ANK1: variants seen among roughly 807,000 people sequenced by gnomAD.
ANK1 encodes ankyrin-1.
ANK1 carries 51 observed loss-of-function variants against 210.4 expected under a neutral mutation model. That is an observed-to-expected ratio of 0.24 (90% CI 0.19 to 0.31). ANK1 has a LOEUF of 0.31. Among genes scored for constraint, ANK1 ranks in the 10% least tolerant of loss-of-function variants. The pLI is 1.00. For missense variants in ANK1, 2,051 were observed against 2,504.4 expected (o/e 0.82, Z 3.86); for synonymous variants, 967 against 1,025.9 (o/e 0.94, Z 1.10).
chr8:41,737,120 G>C (rs553016018), intron 2 of ANK1, among the ~76,000 whole-genome samples: 2 of 152,310 alleles, frequency 1.3e-5, no homozygotes, highest in South Asian at 4.1e-4. Flanking sequence ...ACAGCATGGA[G>C]AAACTCTGTC....
At chr8:41,709,097 T>C in intron 16 of ANK1, 122 bp from the exon 17 acceptor site, 1 of 1,121,150 alleles carries the variant, frequency 8.9e-7, no homozygotes. Context: ...AGGGCTGGCA[T>C]CACCCAGGAG....
At chr8:41,658,613 C>T (rs1232167625) in intron 42 of ANK1, among the ~76,000 whole-genome samples, 5 of 152,186 alleles carry the variant, frequency 3.3e-5, no homozygotes, top group Non-Finnish European at 7.4e-5. Context: ...CTGTTTGAGG[C>T]TGTGCACAGT....
intron 3 of ANK1, among the ~76,000 whole-genome samples, chr8:41,730,344 T>C (rs1044047944): frequency 2.0e-5 from 3 of 152,172 alleles, no homozygotes; most frequent in South Asian, 4.1e-4. Context: ...GCAGCTCACA[T>C]TGGTAATCCT....
chr8:41,794,061 C>A (rs1417557160), intron 1 of ANK1, among the ~76,000 whole-genome samples: 3 of 152,174 alleles, frequency 2.0e-5, no homozygotes, highest in Non-Finnish European at 2.9e-5. Flanking sequence ...AATTTGGTAG[C>A]CCATCCCTAC....
rs1401100020 is a variant in ANK1 at position 41,654,708 on chromosome 8, C to A, written c.*1082G>T. 2 of 152,678 alleles carry A rather than the reference C, an allele frequency of 1.3e-5. No homozygotes were observed. The highest frequency in any genetic ancestry group is 6.5e-5 in the Admixed American group (1 of 15,292). 9.5% of individuals were successfully genotyped at this position (152,678 alleles called of 1,614,324 possible). ...ACTGCTAAATGTTTCTATTGGTTTG[C>A]ATAGTATTTATTGTTTTTCATATAC... is the stretch of plus-strand genomic sequence containing the variant. On this transcript the variant is annotated 3_prime_UTR_variant, in exon 43 of 43. Transcript: ENST00000289734.
intron 1 of ANK1, among the ~76,000 whole-genome samples, chr8:41,867,764 C>G (rs1814753446): frequency 6.6e-6 from 1 of 152,220 alleles, no homozygotes; most frequent in South Asian, 2.1e-4. Flanking sequence ...GACAGTGTTC[C>G]TCATCTCTGT....
intron 1 of ANK1, among the ~76,000 whole-genome samples, chr8:41,823,828 C>T (rs1804883526): frequency 6.6e-6 from 1 of 152,158 alleles, no homozygotes; most frequent in Non-Finnish European, 1.5e-5. Flanking sequence ...CTCTCTGCAC[C>T]TTCTCCACCA....
chr8:41,703,438 A>ATTTTTTT (rs1563491543), intron 20 of ANK1, among the ~76,000 whole-genome samples: 1 of 68,520 alleles, frequency 1.5e-5, no homozygotes, highest in African/African-American at 5.7e-5. Flanking sequence ...ATATATATAT[A>ATTTTTTT]TATATATATA....
intron 20 of ANK1, among the ~76,000 whole-genome samples, chr8:41,703,370 ATGTG>A (rs202101455): frequency 4.4e-5 from 6 of 134,956 alleles, no homozygotes. Context: ...TGTGGTATGT[ATGTG>A]TGTGTGTGCA....
At chr8:41,826,491 G>A (rs978779947) in intron 1 of ANK1, among the ~76,000 whole-genome samples, 4 of 152,238 alleles carry the variant, frequency 2.6e-5, no homozygotes, top group East Asian at 1.9e-4. Context: ...CTGGGCCTCT[G>A]GATTCCCCTG....
At chr8:41,894,315 C>G (rs1355481647) in intron 1 of ANK1, among the ~76,000 whole-genome samples, 1 of 151,986 alleles carries the variant, frequency 6.6e-6, no homozygotes, top group Non-Finnish European at 1.5e-5. Context: ...ACGCAGTATG[C>G]TGCGACCGGC....
chr8:41,670,319 C>T (rs538815398), intron 38 of ANK1, among the ~76,000 whole-genome samples: 7 of 152,134 alleles, frequency 4.6e-5, no homozygotes, highest in African/African-American at 1.2e-4. Context: ...TGAAATTCAT[C>T]TGTCCCCATG....
intron 2 of ANK1, among the ~76,000 whole-genome samples, chr8:41,740,892 T>C (rs1586618521): frequency 1.3e-5 from 2 of 152,290 alleles, no homozygotes; most frequent in South Asian, 4.1e-4. Flanking sequence ...TGGACAGCAC[T>C]GGATTAACAG....
chr8:41,888,441 G>A (rs561357519), intron 1 of ANK1, among the ~76,000 whole-genome samples: 20 of 152,376 alleles, frequency 1.3e-4, no homozygotes, highest in Admixed American at 3.9e-4. Context: ...GCAAGAGCCA[G>A]GAGAGAGCTG....
At position 41,708,837 on chromosome 8, in the gene ANK1, G is replaced by A. The variant is rs1264922695; in HGVS notation, c.1939C>T (p.His647Tyr). ...TPLHLAAQEG[H>Y]AEMVALLLSK... Reference sequence around the variant, plus strand: ...AGCAGCAGAGCCACCATCTCTGCGTGGCCCTCCTGGGCGGCCAGGTGAAGG... The same window carrying A: ...AGCAGCAGAGCCACCATCTCTGCGTAGCCCTCCTGGGCGGCCAGGTGAAGG... Residue 647 changes from histidine (H) to tyrosine (Y), a missense_variant, in exon 17 of 43, where the codon CAC becomes TAC. Transcript: ENST00000289734. The A allele has an allele frequency of 6.2e-7, 1 of 1,614,068 alleles. No homozygotes were observed. The highest frequency in any genetic ancestry group is 8.5e-7 in the Non-Finnish European group (1 of 1,180,044).
rs541960085 is a variant in ANK1 at position 41,696,307 on chromosome 8, C to T, written c.2960+56G>A. ...TCCCCATCAGGACAGATGGAAATGG[C>T]GTGGCCTCCGTGGCACAGGGACAGG... On this transcript the variant is annotated intron_variant, in intron 26 of 42. Transcript: ENST00000289734. The T allele has an allele frequency of 5.4e-4, 859 of 1,576,182 alleles. 4 individuals carry two copies. The African/African-American group carries it at 0.01, about 19-fold the overall frequency.
Position 41,696,722 on chromosome 8 carries a change from C to A in ANK1, c.2689G>T (p.Glu897Ter). The A allele has an allele frequency of 6.2e-7, 1 of 1,602,460 alleles. No homozygotes were observed. The highest frequency in any genetic ancestry group is 1.1e-5 in the South Asian group (1 of 91,044). ...DSLIPSSPAT[E>*]TSDNISPVAS... ...ACCGGGCTGATGTTGTCTGAGGTCT[C>A]GGTGGCCGGGCTGCTGGGGATGAGG... The change falls in exon 25 of 43, where the codon GAG (glutamate) becomes TAG (stop). Residue 897 changes from glutamate to a stop codon, truncating the protein, a stop_gained. Transcript: ENST00000289734. LOFTEE classifies it high-confidence loss of function.
chr8:41,715,796 C>T lies in ANK1; in HGVS notation c.1458G>A (p.Val486=), dbSNP rs1365856368. ...CAARIGHTNM[V]KLLLENNANP... is the part of the protein sequence containing the mutation. ...TGGCGTTATTTTCCAGCAGGAGCTT[C>T]ACCATGTTTGTGTGGCCGATGCGAG... Residue 486 remains valine, a synonymous_variant, in exon 14 of 43, where the codon GTG becomes GTA. Transcript: ENST00000289734. 2 of 1,614,132 alleles carry T rather than the reference C, an allele frequency of 1.2e-6. No homozygotes were observed. The highest frequency in any genetic ancestry group is 1.1e-5 in the South Asian group (1 of 91,086).
At chr8:41,665,139 C>T (rs540391507) in intron 39 of ANK1, 1 of 1,541,078 alleles carries the variant, frequency 6.5e-7, no homozygotes, top group East Asian at 2.4e-5. Flanking sequence ...TTGCATTCCC[C>T]CTCCCTATCT....
Sources: gnomAD v4.1 joint callset for allele counts (sites outside exome capture counted in the v4.1 genomes callset) on GRCh38, gnomAD v4.1.1 for gene constraint, MANE v1.5 for transcripts, NCBI Gene and HGNC (gene_info 2026-07-23, HGNC 2026-07-21) for gene names.